The following SH3RF3 variants were observed in gnomAD, a reference collection of about 807,000 sequenced individuals.
SH3RF3 encodes E3 ubiquitin-protein ligase SH3RF3.
A neutral mutation model predicts 66.3 loss-of-function variants in SH3RF3; 29 were observed. The ratio of observed to expected loss-of-function variants is 0.44; its 90% CI spans 0.33 to 0.60. SH3RF3 has a LOEUF of 0.60. Ranked by LOEUF, SH3RF3 falls within the 20% of genes least tolerant of loss-of-function variation. The pLI is 0.04. For missense variants in SH3RF3, 1,194 were observed against 1,190.9 expected (o/e 1.00, Z -0.04); for synonymous variants, 583 against 532.0 (o/e 1.10, Z -1.32).
intron 1 of SH3RF3, among the ~76,000 whole-genome samples, chr2:109,208,294 G>A (rs930910910): frequency 2.0e-5 from 3 of 152,256 alleles, no homozygotes; most frequent in African/African-American, 7.2e-5. Flanking sequence ...GCCACCTGCA[G>A]GTGGGGCATA....
intron 1 of SH3RF3, among the ~76,000 whole-genome samples, chr2:109,192,672 GACTC>G (rs1678398621): frequency 6.6e-6 from 1 of 152,218 alleles, no homozygotes; most frequent in South Asian, 2.1e-4. Context: ...TGCAGAGGAA[GACTC>G]TTATAGATGA....
At chr2:109,171,566 C>T (rs1050236926) in intron 1 of SH3RF3, among the ~76,000 whole-genome samples, 2 of 152,236 alleles carry the variant, frequency 1.3e-5, no homozygotes, top group Admixed American at 6.5e-5. Flanking sequence ...CATTAGAACA[C>T]GGAGCACAGG....
At chr2:109,487,801 A>G (rs976996612) in intron 8 of SH3RF3, among the ~76,000 whole-genome samples, 1 of 152,130 alleles carries the variant, frequency 6.6e-6, no homozygotes. Context: ...CGACGGGCCC[A>G]AGAGCCCTCA....
At position 109,398,908 on chromosome 2, in the gene SH3RF3, G is replaced by A; in HGVS notation, c.1264G>A (p.Asp422Asn). The part of the protein sequence containing the change: ...SDPRAAARIG[D>N]LAHLSCAAPT... ...TCCCCGAGCCGCGGCCAGGATTGGA[G>A]ACCTTGCTCATCTGTCGTGCGCTGC... The change falls in exon 4 of 10, where the codon GAC becomes AAC. Residue 422 changes from aspartate (D) to asparagine (N), a missense_variant. Physicochemically the swap from Asp to Asn is conservative, Grantham distance 23 (BLOSUM62 1). Coordinates refer to ENST00000309415, the MANE Select transcript of SH3RF3 (RefSeq NM_001099289.3). The A allele has an allele frequency of 1.2e-6, 2 of 1,613,424 alleles. No individual in the cohort carries two copies. Among genetic ancestry groups the A allele is most frequent in the Non-Finnish European group, 1.7e-6 (2 of 1,179,888 alleles).
At chr2:109,241,422 A>G (rs569199335) in intron 1 of SH3RF3, among the ~76,000 whole-genome samples, 3 of 152,244 alleles carry the variant, frequency 2.0e-5, no homozygotes, top group African/African-American at 2.4e-5. Flanking sequence ...ATTGGGGGAA[A>G]AAATGGCTGG....
chr2:109,404,536 A>G (rs1309262998), intron 4 of SH3RF3, among the ~76,000 whole-genome samples: 1 of 152,108 alleles, frequency 6.6e-6, no homozygotes, highest in Non-Finnish European at 1.5e-5. Flanking sequence ...GCTGGCCACA[A>G]GCACAGTCAA....
chr2:109,362,003 T>C (rs1683058298), intron 2 of SH3RF3, among the ~76,000 whole-genome samples: 3 of 152,174 alleles, frequency 2.0e-5, no homozygotes, highest in Non-Finnish European at 2.9e-5. Context: ...TTTTTATTGA[T>C]CTTTTTAAAG....
At chr2:109,366,018 A>G (rs1208652705) in intron 2 of SH3RF3, among the ~76,000 whole-genome samples, 1 of 152,222 alleles carries the variant, frequency 6.6e-6, no homozygotes, top group East Asian at 1.9e-4. Context: ...ATATAAGACA[A>G]TTCTGTTATG....
In SH3RF3 at chr2:109,498,679, G is replaced by A. The variant is rs144146240; in HGVS notation, c.2481-2824G>A. ...GTAGTATCAAGTAGGTCCAGGATGG[G>A]CCCAGGGAACTGTGGGGGGTCCTGA... On this transcript the variant is annotated intron_variant, in intron 9 of 9. Transcript: ENST00000309415. Among the ~76,000 whole-genome samples, 13 of 152,252 alleles carry A rather than the reference G, an allele frequency of 8.5e-5. No homozygotes were observed. The East Asian group carries it at 2.5e-3, about 29-fold the overall frequency.
At chr2:109,222,113 G>C (rs1252423182) in intron 1 of SH3RF3, among the ~76,000 whole-genome samples, 1 of 152,126 alleles carries the variant, frequency 6.6e-6, no homozygotes, top group Non-Finnish European at 1.5e-5. Context: ...GCAAATATTG[G>C]ACGATCTCAC....
chr2:109,355,279 C>T (rs1682926209), intron 2 of SH3RF3, among the ~76,000 whole-genome samples: 1 of 152,146 alleles, frequency 6.6e-6, no homozygotes, highest in African/African-American at 2.4e-5. Flanking sequence ...TCATAAAATT[C>T]TTGAATGCTG....
Position 109,501,609 on chromosome 2 carries a change from G to A in SH3RF3, c.2587G>A (p.Gly863Arg). ...GAAGCGTGAGGACGGCTGGTACAAGGGGACCCTGCAGCGGAACGGCCGCAC... is the reference window on the plus strand; with the variant it reads ...GAAGCGTGAGGACGGCTGGTACAAGAGGACCCTGCAGCGGAACGGCCGCAC... ...HKKREDGWYK[G>R]TLQRNGRTGL... Residue 863 changes from glycine to arginine, a missense_variant, in exon 10 of 10, where the codon GGG becomes AGG. Coordinates refer to ENST00000309415, the MANE Select transcript of SH3RF3 (RefSeq NM_001099289.3). 1.3e-6 allele frequency: 1 copy of A among 779,246 alleles called. No homozygotes were observed. Among genetic ancestry groups the A allele is most frequent in the Non-Finnish European group, 2.4e-6 (1 of 417,388 alleles). 48.3% of individuals were successfully genotyped at this position (779,246 alleles called of 1,614,324 possible).
chr2:109,419,605 C>G lies in SH3RF3; in HGVS notation c.1366C>G (p.Gln456Glu), dbSNP rs908614004. 12 of 1,593,746 alleles carry G rather than the reference C, an allele frequency of 7.5e-6. No homozygotes were observed. Among genetic ancestry groups the G allele is most frequent in the Non-Finnish European group, 1.0e-5 (12 of 1,171,426 alleles). Residue 456 changes from glutamine to glutamate, a missense_variant, in exon 5 of 10, where the codon CAG (glutamine) becomes GAG (glutamate). Gln to Glu is a conservative substitution (Grantham distance 29). Transcript: ENST00000309415. ...ACGGGCTGCCTCGGTGTCTGGAGAG[C>G]AGGGCACGCCTCCCAAGGTCCAGCT... Reference protein sequence around the residue: ...VPRAASVSGEQGTPPKVQLPL... With the variant: ...VPRAASVSGEEGTPPKVQLPL...
intron 3 of SH3RF3, among the ~76,000 whole-genome samples, chr2:109,373,371 G>A (rs1415738059): frequency 1.3e-5 from 2 of 152,220 alleles, no homozygotes; most frequent in Non-Finnish European, 2.9e-5. Context: ...TTCATGGAAA[G>A]TTCATTACAA....
At chr2:109,493,601 C>CCA (rs1335617763) in intron 9 of SH3RF3, among the ~76,000 whole-genome samples, 102 of 151,038 alleles carry the variant, frequency 6.8e-4, no homozygotes, top group Admixed American at 1.5e-3. Context: ...TACACACAAA[C>CCA]CACACACACT....
At chr2:109,409,250 G>A (rs1311789969) in intron 4 of SH3RF3, among the ~76,000 whole-genome samples, 4 of 152,202 alleles carry the variant, frequency 2.6e-5, no homozygotes, top group Non-Finnish European at 4.4e-5. Flanking sequence ...GAAAGGGGAA[G>A]AGGTTCATCT....
At position 109,419,551 on chromosome 2, in the gene SH3RF3, T is replaced by G. The variant is rs1676815687; in HGVS notation, c.1312T>G (p.Ser438Ala). The change falls in exon 5 of 10, where the codon TCG (serine) becomes GCG (alanine). Residue 438 changes from serine to alanine, a missense_variant. Ser to Ala is a moderately conservative substitution (Grantham distance 99, BLOSUM62 1). Transcript: ENST00000309415. Reference protein sequence around the residue: ...CAAPTQDVSSSAGSTPTAVPR... With the variant: ...CAAPTQDVSSAAGSTPTAVPR... ...TGTCTGTTTCCAGGATGTCTCCTCC[T>G]CGGCGGGATCTACCCCCACGGCTGT... The G allele has an allele frequency of 8.8e-6, 14 of 1,596,278 alleles. No homozygotes were observed. Among genetic ancestry groups the G allele is most frequent in the Non-Finnish European group, 1.2e-5 (14 of 1,172,044 alleles).
In SH3RF3 at chr2:109,199,156, G is replaced by A. The variant is rs187768378; in HGVS notation, c.573+69043G>A. ...GGGTGGATCACAAGGTCAGGAGATC[G>A]AGACCATCCTGGCTAACACGGTGAA... On this transcript the variant is annotated intron_variant, in intron 1 of 9. Coordinates refer to ENST00000309415, the MANE Select transcript of SH3RF3 (RefSeq NM_001099289.3). 4.4e-3 allele frequency among the ~76,000 whole-genome samples: 665 copies of A among 151,844 alleles called. 6 individuals are homozygous for A. The highest frequency in any genetic ancestry group is 0.015 in the African/African-American group (634 of 41,398).
intron 3 of SH3RF3, among the ~76,000 whole-genome samples, chr2:109,372,104 A>C (rs1683285313): frequency 6.6e-6 from 1 of 152,220 alleles, no homozygotes. Flanking sequence ...GATTGGAAGG[A>C]ACCGTTGCTG....
Sources: gnomAD v4.1 joint callset for allele counts (sites outside exome capture counted in the v4.1 genomes callset) on GRCh38, gnomAD v4.1.1 for gene constraint, MANE v1.5 for transcripts, NCBI Gene and HGNC (gene_info 2026-07-23, HGNC 2026-07-21) for gene names.